Variants in JARID2 observed in about 807,000 individuals in gnomAD.
JARID2 encodes jumonji and AT-rich interaction domain containing 2.
A neutral mutation model predicts 125.6 loss-of-function variants in JARID2; 21 were observed. That is an observed-to-expected ratio of 0.17 (90% CI 0.12 to 0.24). JARID2 has a LOEUF of 0.24. Ranked by LOEUF, JARID2 falls within the 10% of genes least tolerant of loss-of-function variation. JARID2 has a pLI of 1.00. For missense variants in JARID2, 1,303 were observed against 1,639.6 expected, an observed-to-expected ratio of 0.79 and a Z score of 3.55; for synonymous variants, 736 against 661.6, an observed-to-expected ratio of 1.11 and a Z score of -1.73.
chr6:15,264,136 A>G (rs1759990682), intron 1 of JARID2, among the ~76,000 whole-genome samples: 1 of 152,206 alleles, frequency 6.6e-6, no homozygotes, highest in Non-Finnish European at 1.5e-5. Context: ...TGCAAATGTC[A>G]TGTGGCCTAG....
At chr6:15,457,149 G>C (rs1418204286) in intron 4 of JARID2, among the ~76,000 whole-genome samples, 1 of 152,048 alleles carries the variant, frequency 6.6e-6, no homozygotes, top group East Asian at 1.9e-4. Flanking sequence ...TCACAAAAAT[G>C]CCTGTCATTT....
chr6:15,447,055 C>A (rs1428125270), intron 3 of JARID2, among the ~76,000 whole-genome samples: 1 of 152,184 alleles, frequency 6.6e-6, no homozygotes, highest in Non-Finnish European at 1.5e-5. Flanking sequence ...CCCCAAACAG[C>A]AGCTCGTATC....
intron 3 of JARID2, among the ~76,000 whole-genome samples, chr6:15,412,658 T>TA (rs1188395910): frequency 2.6e-5 from 4 of 152,308 alleles, no homozygotes; most frequent in African/African-American, 9.6e-5. Context: ...AATGATAACT[T>TA]AAAGTCTTAA....
intron 1 of JARID2, among the ~76,000 whole-genome samples, chr6:15,295,123 CT>C (rs60419870): frequency 0.057 from 7,395 of 129,272 alleles, 159 homozygotes; most frequent in South Asian, 0.11. Context: ...TTTTTTCTTT[CT>C]TTTTTTTTTT....
intron 3 of JARID2, among the ~76,000 whole-genome samples, chr6:15,418,804 A>G (rs1554134507): frequency 6.6e-6 from 1 of 152,204 alleles, no homozygotes; most frequent in Non-Finnish European, 1.5e-5. Flanking sequence ...GCCTCTGGAT[A>G]TGAAGACATG....
chr6:15,383,667 T>A (rs1157746949), intron 2 of JARID2, among the ~76,000 whole-genome samples: 1 of 152,190 alleles, frequency 6.6e-6, no homozygotes. Flanking sequence ...TTGGGCCACT[T>A]ATCAAGGTCA....
chr6:15,480,648 C>A (rs776612575), intron 5 of JARID2, among the ~76,000 whole-genome samples: 1 of 152,184 alleles, frequency 6.6e-6, no homozygotes, highest in Non-Finnish European at 1.5e-5. Context: ...TCGAAAAGAT[C>A]ATTCTTCTTA....
chr6:15,293,976 G>A (rs889026565), intron 1 of JARID2, among the ~76,000 whole-genome samples: 5 of 152,254 alleles, frequency 3.3e-5, no homozygotes, highest in Non-Finnish European at 7.3e-5. Flanking sequence ...TGTGAGTAAA[G>A]CATTGTTTGA....
intron 2 of JARID2, among the ~76,000 whole-genome samples, chr6:15,376,858 G>A (rs1012134836): frequency 6.6e-6 from 1 of 152,194 alleles, no homozygotes; most frequent in East Asian, 1.9e-4. Context: ...TGTTTTCGGA[G>A]CATGATCCAG....
At chr6:15,366,696 A>T (rs1254512194) in intron 1 of JARID2, among the ~76,000 whole-genome samples, 1 of 152,072 alleles carries the variant, frequency 6.6e-6, no homozygotes, top group Non-Finnish European at 1.5e-5. Context: ...AGTTGGTTTT[A>T]GGTACTAGGG....
intron 1 of JARID2, among the ~76,000 whole-genome samples, chr6:15,319,352 A>G (rs937025235): frequency 4.6e-5 from 7 of 152,290 alleles, no homozygotes; most frequent in South Asian, 2.1e-4. Context: ...GTGGTTCTGC[A>G]GTAGCCATTT....
At chr6:15,425,929 C>G (rs1766706299) in intron 3 of JARID2, among the ~76,000 whole-genome samples, 2 of 151,998 alleles carry the variant, frequency 1.3e-5, no homozygotes, top group Non-Finnish European at 2.9e-5. Flanking sequence ...AGGAGGAGAC[C>G]CTTTTAGTAT....
intron 2 of JARID2, among the ~76,000 whole-genome samples, chr6:15,378,171 G>A (rs1162623165): frequency 2.0e-5 from 3 of 150,894 alleles, no homozygotes; most frequent in African/African-American, 7.3e-5. Flanking sequence ...ACAGGGGTGA[G>A]CCACCCCACC....
In JARID2 at chr6:15,330,154, T is replaced by C. The variant is rs1762659888; in HGVS notation, c.46-43963T>C. On this transcript the variant is annotated intron_variant, in intron 1 of 17. Transcript: ENST00000341776. Reference sequence around the variant, plus strand: ...TGATTTCACAAGTCAGGCTGTAACTTTAAAAGAAACTATAGGGGCTGTTCC... The same window carrying C: ...TGATTTCACAAGTCAGGCTGTAACTCTAAAAGAAACTATAGGGGCTGTTCC... Among the ~76,000 whole-genome samples the C allele has an allele frequency of 2.6e-5, 4 of 152,234 alleles. No homozygotes were observed. In the South Asian group the frequency reaches 8.3e-4, roughly 32 times the overall value.
chr6:15,435,881 T>C (rs1767179946), intron 3 of JARID2, among the ~76,000 whole-genome samples: 2 of 151,992 alleles, frequency 1.3e-5, no homozygotes, highest in African/African-American at 2.4e-5. Context: ...ATCCCAAAGC[T>C]AGCAGAAAAC....
At chr6:15,440,654 A>C (rs1183931887) in intron 3 of JARID2, among the ~76,000 whole-genome samples, 1 of 152,204 alleles carries the variant, frequency 6.6e-6, no homozygotes, top group Non-Finnish European at 1.5e-5. Context: ...TTATTCCACT[A>C]ATGTGTCTTC....
chr6:15,292,442 G>C (rs1048020785), intron 1 of JARID2, among the ~76,000 whole-genome samples: 1 of 152,124 alleles, frequency 6.6e-6, no homozygotes, highest in African/African-American at 2.4e-5. Context: ...AATGTTTAAA[G>C]ATTTGTGTTT....
At chr6:15,438,254 TGATCAAAGG>T in intron 3 of JARID2, among the ~76,000 whole-genome samples, 1 of 152,252 alleles carries the variant, frequency 6.6e-6, no homozygotes, top group East Asian at 1.9e-4. Context: ...GATGCCTCTT[TGATCAAAGG>T]GAGACCATTA....
intron 2 of JARID2, among the ~76,000 whole-genome samples, chr6:15,395,964 C>T (rs1765205381): frequency 6.6e-6 from 1 of 152,154 alleles, no homozygotes; most frequent in Non-Finnish European, 1.5e-5. Context: ...CAGGTGGCCT[C>T]AGTGCTTTTA....
Sources: gnomAD v4.1 joint callset for allele counts (sites outside exome capture counted in the v4.1 genomes callset) on GRCh38, gnomAD v4.1.1 for gene constraint, MANE v1.5 for transcripts, NCBI Gene and HGNC (gene_info 2026-07-23, HGNC 2026-07-21) for gene names.